STIM1: variants seen among roughly 807,000 people sequenced by gnomAD.
STIM1 encodes stromal interaction molecule 1.
STIM1 carries 25 observed loss-of-function variants against 74.7 expected under a neutral mutation model. That is an observed-to-expected ratio of 0.33 (90% confidence interval 0.24 to 0.47). The LOEUF (loss-of-function observed/expected upper bound fraction) is 0.47, where lower values mean the gene tolerates loss of function less well. STIM1 is among the 20% of genes least tolerant of loss of function. STIM1 has a pLI of 1.00. For synonymous variants in STIM1, 328 were observed against 348.8 expected, an observed-to-expected ratio of 0.94 and a Z score of 0.66; for missense variants, 728 against 920.8, an observed-to-expected ratio of 0.79 and a Z score of 2.71.
intron 2 of STIM1, among the ~76,000 whole-genome samples, chr11:4,001,055 G>A (rs1346800070): frequency 1.3e-5 from 2 of 152,084 alleles, no homozygotes; most frequent in African/African-American, 2.4e-5. Context: ...AAAAAGAAAC[G>A]AACAAAGCCT....
At chr11:3,890,110 A>C (rs1411250132) in intron 1 of STIM1, among the ~76,000 whole-genome samples, 1 of 152,102 alleles carries the variant, frequency 6.6e-6, no homozygotes, top group Non-Finnish European at 1.5e-5. Flanking sequence ...TTACTCCTTG[A>C]GACTAGATAT....
At chr11:4,035,160 A>G (rs2094087782) in intron 3 of STIM1, among the ~76,000 whole-genome samples, 1 of 151,858 alleles carries the variant, frequency 6.6e-6, no homozygotes, top group South Asian at 2.1e-4. Context: ...GGTGAAAACT[A>G]AGGTCACCAG....
intron 6 of STIM1, among the ~76,000 whole-genome samples, chr11:4,072,384 A>G (rs74471699): frequency 0.046 from 7,043 of 152,276 alleles, 509 homozygotes; most frequent in African/African-American, 0.15. Flanking sequence ...ATAATTCTAC[A>G]TATACAGTCC....
intron 1 of STIM1, among the ~76,000 whole-genome samples, chr11:3,864,825 G>C (rs2090788631): frequency 6.6e-6 from 1 of 152,140 alleles, no homozygotes; most frequent in Non-Finnish European, 1.5e-5. Context: ...GTTTTTCTTT[G>C]ACTTCCTTTG....
At chr11:3,899,443 A>G (rs1431794098) in intron 1 of STIM1, among the ~76,000 whole-genome samples, 1 of 152,276 alleles carries the variant, frequency 6.6e-6, no homozygotes, top group South Asian at 2.1e-4. Flanking sequence ...TTCTAGATAT[A>G]CAATCATGTC....
chr11:3,939,154 C>T lies in STIM1; in HGVS notation c.140-28398C>T, dbSNP rs559614170. Among the ~76,000 whole-genome samples the T allele has an allele frequency of 2.0e-4, 31 of 152,256 alleles. No individual in the cohort carries two copies. In the South Asian group the frequency reaches 2.9e-3, roughly 14 times the overall value. ...ATAGAATTGAGACTAGATAGACTAGCTTATAAAATGCTGCTTGATCTCTGG... is the reference window on the plus strand; with the variant it reads ...ATAGAATTGAGACTAGATAGACTAGTTTATAAAATGCTGCTTGATCTCTGG... On this transcript the variant is annotated intron_variant, in intron 1 of 12. Coordinates refer to ENST00000526596, the MANE Select transcript of STIM1 (RefSeq NM_001382567.1).
At chr11:4,001,216 G>A (rs1003206528) in intron 2 of STIM1, among the ~76,000 whole-genome samples, 9 of 150,988 alleles carry the variant, frequency 6.0e-5, no homozygotes, top group African/African-American at 2.2e-4. Flanking sequence ...CCAACATTCA[G>A]ATTCAGGAAA....
intron 1 of STIM1, among the ~76,000 whole-genome samples, chr11:3,941,667 TATATATAGAGAGAG>T (rs1343177000): frequency 7.1e-5 from 4 of 56,092 alleles, no homozygotes; most frequent in African/African-American, 2.1e-4. Flanking sequence ...TATATATATA[TATATATAGAGAGAG>T]AGAGAGAGAG....
At chr11:3,877,522 A>G (rs1037344507) in intron 1 of STIM1, among the ~76,000 whole-genome samples, 11 of 152,112 alleles carry the variant, frequency 7.2e-5, no homozygotes, top group African/African-American at 2.4e-4. Context: ...CAAATACCTC[A>G]ATAATTGTTA....
intron 3 of STIM1, among the ~76,000 whole-genome samples, chr11:4,050,230 T>C (rs1442412607): frequency 1.3e-5 from 2 of 152,210 alleles, no homozygotes; most frequent in African/African-American, 2.4e-5. Context: ...GGTTACATAC[T>C]CTACTTTTAA....
intron 2 of STIM1, among the ~76,000 whole-genome samples, chr11:3,991,002 C>T (rs889001649): frequency 3.9e-5 from 6 of 152,046 alleles, no homozygotes; most frequent in Non-Finnish European, 2.9e-5. Flanking sequence ...TTGTTCACAT[C>T]TTTGTGTTTG....
upstream of STIM1, chr11:3,855,171 G>C (rs1030395423): frequency 1.2e-4 from 18 of 152,368 alleles, no homozygotes; most frequent in Non-Finnish European, 1.5e-4. Flanking sequence ...GGAGTTGGGG[G>C]CTGGGAGCTC....
At chr11:3,977,376 T>C (rs548392338) in intron 2 of STIM1, among the ~76,000 whole-genome samples, 8 of 152,356 alleles carry the variant, frequency 5.3e-5, no homozygotes, top group African/African-American at 1.9e-4. Context: ...TTATGACTTC[T>C]GTTAGTGTCT....
At chr11:3,904,190 C>G (rs1418775942) in intron 1 of STIM1, among the ~76,000 whole-genome samples, 1 of 51,046 alleles carries the variant, frequency 2.0e-5, no homozygotes, top group Non-Finnish European at 4.1e-5. Context: ...GAGTGAGACT[C>G]TGTCTCAAAA....
chr11:3,928,662 C>T (rs564374727), intron 1 of STIM1, among the ~76,000 whole-genome samples: 1 of 152,074 alleles, frequency 6.6e-6, no homozygotes, highest in East Asian at 1.9e-4. Flanking sequence ...GACAGGAATC[C>T]CTTCCTGGTG....
intron 3 of STIM1, among the ~76,000 whole-genome samples, chr11:4,052,748 T>C (rs1565161115): frequency 1.3e-5 from 2 of 152,114 alleles, no homozygotes; most frequent in African/African-American, 4.8e-5. Context: ...GGAGTCTAAT[T>C]AAACTAAAGA....
At chr11:3,974,547 G>C (rs1267498496) in intron 2 of STIM1, among the ~76,000 whole-genome samples, 1 of 149,188 alleles carries the variant, frequency 6.7e-6, no homozygotes, top group Non-Finnish European at 1.5e-5. Context: ...TATTGGCACA[G>C]AGACCCTAAA....
At chr11:3,922,311 T>C (rs1035806869) in intron 1 of STIM1, among the ~76,000 whole-genome samples, 3 of 152,328 alleles carry the variant, frequency 2.0e-5, no homozygotes, top group South Asian at 4.1e-4. Context: ...AATATCTATA[T>C]AGACATATAG....
chr11:3,956,853 T>TAAAAAAA (rs2093221072), intron 1 of STIM1, among the ~76,000 whole-genome samples: 4 of 87,820 alleles, frequency 4.6e-5, no homozygotes, highest in Admixed American at 1.2e-4. Flanking sequence ...AAAAAAAAAG[T>TAAAAAAA]CAGAGAGGAG....
Sources: allele counts gnomAD v4.1 joint callset (sites outside exome capture counted in the v4.1 genomes callset), GRCh38; gene constraint gnomAD v4.1.1; transcripts MANE v1.5; gene names NCBI Gene and HGNC (gene_info 2026-07-23, HGNC 2026-07-21).